LRRC9: variants seen among roughly 807,000 people sequenced by gnomAD.
LRRC9 encodes the protein leucine-rich repeat-containing protein 9.
In LRRC9, 122 loss-of-function variants were observed where a neutral mutation model predicts 63.2. That is an observed-to-expected ratio of 1.93 (90% CI 1.67 to 2.24). The LOEUF (loss-of-function observed/expected upper bound fraction) is 2.24, where lower values mean the gene tolerates loss of function less well. Ranked by LOEUF, LRRC9 falls within the 30% of genes most tolerant of loss-of-function variation. The pLI is 0.00. For missense variants in LRRC9, 1,071 were observed against 627.7 expected (o/e 1.71, Z -7.55); for synonymous variants, 366 against 213.1 (o/e 1.72, Z -6.25).
chr14:60,026,377 A>G (rs1891553864), intron 27 of LRRC9, among the ~76,000 whole-genome samples: 1 of 152,058 alleles, frequency 6.6e-6, no homozygotes, highest in Non-Finnish European at 1.5e-5. Context: ...ATTTTTCCAT[A>G]TACCTGTTGA....
Position 60,003,856 on chromosome 14 carries a change from A to G in LRRC9, c.2842+58A>G, listed in dbSNP as rs190028025. 3 of 543,858 alleles carry G rather than the reference A, an allele frequency of 5.5e-6. No homozygotes were observed. The East Asian group carries it at 9.3e-5, about 17-fold the overall frequency. 33.7% of individuals were successfully genotyped at this position (543,858 alleles called of 1,614,324 possible). A position where few individuals can be genotyped will look rare whatever the true frequency, so the allele number is the denominator to read the frequency against. On this transcript the variant is annotated intron_variant, in intron 21 of 31. Transcript: ENST00000445360. The surrounding 1 kb of genome is among the most constrained non-coding windows in gnomAD (Gnocchi z 4.2). The stretch of plus-strand genomic sequence containing the variant: ...TATGGGATGTCTAAACAACAAAGCA[A>G]AAAATAACCCTGGGAACAGAGTTTC...
chr14:60,027,486 A>G lies in LRRC9; in HGVS notation c.3704-398A>G, dbSNP rs1372298690. ...CTAACATAATACAACAAATTAGTCT[A>G]TTTTAAGAAATAATTAAATATACTA... On this transcript the variant is annotated intron_variant, in intron 27 of 31. Transcript: ENST00000445360. This position sits in a 1 kb window ranked among gnomAD's most constrained non-coding sequence, Gnocchi z 4.0. Among the ~76,000 whole-genome samples, 4 of 152,058 alleles carry G rather than the reference A, an allele frequency of 2.6e-5. No individual in the cohort carries two copies. Among genetic ancestry groups the G allele is most frequent in the Admixed American group, 2.6e-4 (4 of 15,250 alleles).
intron 8 of LRRC9, among the ~76,000 whole-genome samples, chr14:59,959,158 G>A (rs1271132424): frequency 6.6e-6 from 1 of 152,148 alleles, no homozygotes; most frequent in African/African-American, 2.4e-5. Flanking sequence ...ATTTAAGGGA[G>A]TACCCAAAAA....
Position 60,053,541 on chromosome 14 carries a change from A to G in LRRC9, c.4131+336A>G, listed in dbSNP as rs1334473251. On this transcript the variant is annotated intron_variant, in intron 30 of 31. Coordinates refer to ENST00000445360, the Ensembl canonical transcript of LRRC9. The surrounding 1 kb of genome is among the most constrained non-coding windows in gnomAD (Gnocchi z 4.8). ...AGATGATGCTAGAACATAGGAAACT[A>G]TAACATATCACTTTCATAAATAGAA... is the stretch of plus-strand genomic sequence containing the variant. 6.6e-6 allele frequency among the ~76,000 whole-genome samples: 1 copy of G among 152,216 alleles called. No individual in the cohort carries two copies. The highest frequency in any genetic ancestry group is 1.5e-5 in the Non-Finnish European group (1 of 68,026).
At chr14:60,016,398 G>T (rs1323894922) in intron 23 of LRRC9, among the ~76,000 whole-genome samples, 3 of 151,940 alleles carry the variant, frequency 2.0e-5, no homozygotes, top group Non-Finnish European at 4.4e-5. Flanking sequence ...TAGAGACAGG[G>T]TCTCACTTTG....
At chr14:60,036,868 A>C (rs1230843817) in intron 29 of LRRC9, among the ~76,000 whole-genome samples, 1 of 151,886 alleles carries the variant, frequency 6.6e-6, no homozygotes, top group African/African-American at 2.4e-5. Flanking sequence ...TGCACCCGTT[A>C]ACTTGTCATT....
intron 17 of LRRC9, among the ~76,000 whole-genome samples, chr14:59,988,347 T>G (rs1390260972): frequency 6.6e-6 from 1 of 152,146 alleles, no homozygotes; most frequent in Non-Finnish European, 1.5e-5. Flanking sequence ...TATGTGTGCA[T>G]GTGTGTTGCA....
intron 8 of LRRC9, among the ~76,000 whole-genome samples, chr14:59,951,949 TTTTG>T: frequency 6.6e-6 from 1 of 152,090 alleles, no homozygotes; most frequent in Admixed American, 6.5e-5. Flanking sequence ...ACTGCTGTCT[TTTTG>T]TTTGTCTGTG....
rs2140218586 is a variant in LRRC9, at chr14:60,003,925, G to A, written c.2842+127G>A. The A allele has an allele frequency of 8.0e-6, 4 of 498,700 alleles. No individual in the cohort carries two copies. The highest frequency in any genetic ancestry group is 1.0e-5 in the Non-Finnish European group (3 of 286,060). 30.9% of individuals were successfully genotyped at this position (498,700 alleles called of 1,614,324 possible). The stretch of plus-strand genomic sequence containing the variant: ...GGAAAGTTCCAAGTTTTTGTGGCAG[G>A]GTATTCTAAATACCTGTGTGAGGTA... On this transcript the variant is annotated intron_variant, in intron 21 of 31. Coordinates refer to ENST00000445360, the Ensembl canonical transcript of LRRC9. The surrounding 1 kb of genome is among the most constrained non-coding windows in gnomAD (Gnocchi z 4.2).
chr14:59,974,615 C>T, exon 13 of LRRC9: 1 of 680,338 alleles, frequency 1.5e-6, no homozygotes, highest in Non-Finnish European at 2.7e-6. Flanking sequence ...TTCTAACAGT[C>T]TAAGTATAAG....
Position 59,965,882 on chromosome 14 carries a change from CAAAAAAAAAAAAAAAAAAAAAAAA to C in LRRC9, c.1212-692_1212-669del, listed in dbSNP as rs71111678. Among the ~76,000 whole-genome samples, 38 of 29,240 alleles carry C rather than the reference CAAAAAAAAAAAAAAAAAAAAAAAA, an allele frequency of 1.3e-3. 1 individual carries two copies. Among genetic ancestry groups the C allele is most frequent in the Middle Eastern group, 0.031 (1 of 32 alleles). 19.2% of individuals were successfully genotyped at this position (29,240 alleles called of 152,430 possible). On this transcript the variant is annotated intron_variant, in intron 10 of 31. Coordinates refer to ENST00000445360, the Ensembl canonical transcript of LRRC9. ...TGGGCGACAGAGCGAGACTCCGCCT[CAAAAAAAAAAAAAAAAAAAAAAAA>C]AAAAAAAAAAAAAAGATACTGGTGA...
chr14:59,993,399 A>C (rs1247103007), intron 17 of LRRC9, among the ~76,000 whole-genome samples: 1 of 152,222 alleles, frequency 6.6e-6, no homozygotes, highest in Non-Finnish European at 1.5e-5. Context: ...AAGAAACTGC[A>C]TCAACTAACG....
intron 3 of LRRC9, among the ~76,000 whole-genome samples, chr14:59,929,512 G>A (rs182421777): frequency 1.3e-5 from 2 of 152,168 alleles, no homozygotes; most frequent in South Asian, 2.1e-4. Context: ...GTGGAGAACA[G>A]TGTGATGATT....
exon 13 of LRRC9, chr14:59,974,653 G>A: frequency 1.4e-6 from 1 of 691,144 alleles, no homozygotes; most frequent in Non-Finnish European, 2.6e-6. Context: ...AATTTTTACA[G>A]CAAAAGCACA....
chr14:59,955,646 G>C (rs1883663939), intron 8 of LRRC9, among the ~76,000 whole-genome samples: 1 of 152,056 alleles, frequency 6.6e-6, no homozygotes, highest in South Asian at 2.1e-4. Context: ...ACCTCCTTCA[G>C]TTCTGCTCTG....
rs1487045921 is a variant in LRRC9 at position 59,966,806 on chromosome 14, G to A, written c.1388+41G>A. On this transcript the variant is annotated intron_variant, in intron 11 of 31. Transcript: ENST00000445360. The surrounding 1 kb of genome is among the most constrained non-coding windows in gnomAD (Gnocchi z 4.0). Reference sequence around the variant, plus strand: ...CTTTATGGAACAACTTTACAAAAGTGTGACTGTATTTGTAAAATTTCTATT... The same window carrying A: ...CTTTATGGAACAACTTTACAAAAGTATGACTGTATTTGTAAAATTTCTATT... The A allele has an allele frequency of 1.4e-5, 8 of 554,880 alleles. No homozygotes were observed. In the East Asian group the frequency reaches 2.2e-4, roughly 15 times the overall value. The allele number at this position is 554,880 out of a possible 1,614,324, so 34.4% of individuals were successfully genotyped here.
Position 60,039,835 on chromosome 14 carries a change from C to T in LRRC9, c.3990+7772C>T, listed in dbSNP as rs975840184. Among the ~76,000 whole-genome samples, 6 of 151,892 alleles carry T rather than the reference C, an allele frequency of 4.0e-5. No individual in the cohort carries two copies. The East Asian group carries it at 5.8e-4, about 15-fold the overall frequency. On this transcript the variant is annotated intron_variant, in intron 29 of 31. Transcript: ENST00000445360. ...TGAACGTGTTTGCTCTTGCTTCTCTCGTTCTTTTAATTGTGATGTTAGGGT... is the reference window on the plus strand; with the variant it reads ...TGAACGTGTTTGCTCTTGCTTCTCTTGTTCTTTTAATTGTGATGTTAGGGT...
At chr14:59,992,477 G>A (rs939379835) in intron 17 of LRRC9, among the ~76,000 whole-genome samples, 1 of 152,176 alleles carries the variant, frequency 6.6e-6, no homozygotes, top group African/African-American at 2.4e-5. Context: ...ACTTTGATGA[G>A]TTGAGAGAAG....
intron 10 of LRRC9, among the ~76,000 whole-genome samples, chr14:59,965,532 T>C (rs938902401): frequency 2.0e-5 from 3 of 152,126 alleles, no homozygotes; most frequent in Non-Finnish European, 4.4e-5. Context: ...GTGGTGATGA[T>C]GAAACACGAT....
Sources: gnomAD v4.1 joint callset for allele counts (sites outside exome capture counted in the v4.1 genomes callset) on GRCh38, gnomAD v4.1.1 for gene constraint, Gnocchi (gnomAD v3.1) non-coding constraint, MANE v1.5 for transcripts, NCBI Gene and HGNC (gene_info 2026-07-23, HGNC 2026-07-21) for gene names.